ZCWPW2: variants seen among roughly 807,000 people sequenced by gnomAD.
ZCWPW2 encodes zinc finger CW-type PWWP domain protein 2.
A neutral mutation model predicts 46.6 loss-of-function variants in ZCWPW2; 45 were observed. The ratio of observed to expected loss-of-function variants is 0.96; its 90% CI spans 0.76 to 1.24. ZCWPW2 has a LOEUF of 1.24. Ranked by LOEUF, ZCWPW2 falls within the 50% of genes most tolerant of loss-of-function variation. ZCWPW2 has a pLI of 0.00. For missense variants in ZCWPW2, 429 were observed against 403.9 expected (o/e 1.06, Z -0.53); for synonymous variants, 152 against 137.1 (o/e 1.11, Z -0.76).
chr3:28,465,185 A>G (rs1291076693), intron 4 of ZCWPW2, among the ~76,000 whole-genome samples: 1 of 152,170 alleles, frequency 6.6e-6, no homozygotes, highest in Non-Finnish European at 1.5e-5. Flanking sequence ...CAAACCAAAT[A>G]TTTATCTCTT....
rs1332181539 is a variant in ZCWPW2, at chr3:28,441,256, G to A, written c.492+5987G>A. On this transcript the variant is annotated intron_variant, in intron 4 of 9. Transcript: ENST00000383768. ...TTCACCGTTTTTGACCACTCAGAGA[G>A]GTCCATCCACATACCTCTTCCCCAA... is the stretch of plus-strand genomic sequence containing the variant. 3.9e-5 allele frequency among the ~76,000 whole-genome samples: 6 copies of A among 152,176 alleles called. 1 individual carries two copies. Among genetic ancestry groups the A allele is most frequent in the Non-Finnish European group, 5.9e-5 (4 of 68,046 alleles).
chr3:28,516,154 CACTTG>C (rs1380507466), intron 8 of ZCWPW2, among the ~76,000 whole-genome samples: 2 of 151,724 alleles, frequency 1.3e-5, no homozygotes, highest in African/African-American at 2.4e-5. Context: ...GCAGGAGAAT[CACTTG>C]AGCCTGGGAG....
chr3:28,365,504 A>G (rs1370473902), intron 1 of ZCWPW2, among the ~76,000 whole-genome samples: 2 of 140,790 alleles, frequency 1.4e-5, no homozygotes, highest in East Asian at 2.0e-4. Flanking sequence ...CCGTTAGTCT[A>G]TATCTCCGTT....
At chr3:28,445,066 C>G (rs1222120466) in intron 4 of ZCWPW2, among the ~76,000 whole-genome samples, 1 of 151,696 alleles carries the variant, frequency 6.6e-6, no homozygotes, top group African/African-American at 2.4e-5. Flanking sequence ...AGAGCTCCAT[C>G]CTTAATATTC....
At chr3:28,470,311 G>A (rs983992283) in intron 4 of ZCWPW2, among the ~76,000 whole-genome samples, 5 of 151,992 alleles carry the variant, frequency 3.3e-5, no homozygotes, top group African/African-American at 1.2e-4. Context: ...TGGCCAACAT[G>A]GTAAATAAAA....
intron 5 of ZCWPW2, among the ~76,000 whole-genome samples, chr3:28,488,906 A>T (rs1699700872): frequency 6.6e-6 from 1 of 152,220 alleles, no homozygotes; most frequent in Admixed American, 6.6e-5. Context: ...AAAGTTGAAC[A>T]TAGACCTACT....
chr3:28,518,843 G>C (rs575080695), intron 8 of ZCWPW2, among the ~76,000 whole-genome samples: 2 of 152,126 alleles, frequency 1.3e-5, no homozygotes, highest in Non-Finnish European at 2.9e-5. Flanking sequence ...AGTGGAACTG[G>C]GGAATTGGTG....
intron 5 of ZCWPW2, among the ~76,000 whole-genome samples, chr3:28,490,741 A>G (rs967582340): frequency 5.3e-5 from 8 of 152,130 alleles, no homozygotes; most frequent in Admixed American, 5.2e-4. Context: ...GCAAACCTGT[A>G]CATGTACCCC....
At chr3:28,382,076 C>G (rs943514956) in intron 1 of ZCWPW2, among the ~76,000 whole-genome samples, 1 of 149,478 alleles carries the variant, frequency 6.7e-6, no homozygotes, top group African/African-American at 2.5e-5. Context: ...GCGGGAGAAT[C>G]GCTTGAACCT....
intron 3 of ZCWPW2, among the ~76,000 whole-genome samples, chr3:28,432,449 G>A (rs1021376661): frequency 2.0e-5 from 3 of 152,122 alleles, no homozygotes; most frequent in African/African-American, 7.2e-5. Context: ...TATTAGGTAT[G>A]CATATTTTAT....
At chr3:28,416,868 A>G (rs1456485114) in intron 3 of ZCWPW2, among the ~76,000 whole-genome samples, 1 of 130,264 alleles carries the variant, frequency 7.7e-6, no homozygotes, top group East Asian at 2.2e-4. Context: ...GATGAAGCCC[A>G]CTTGATCATG....
At chr3:28,470,529 A>G (rs1699001450) in intron 4 of ZCWPW2, among the ~76,000 whole-genome samples, 2 of 151,924 alleles carry the variant, frequency 1.3e-5, no homozygotes, top group African/African-American at 2.4e-5. Flanking sequence ...AAATTTAAAA[A>G]TTCATTGAAA....
intron 1 of ZCWPW2, among the ~76,000 whole-genome samples, chr3:28,368,798 A>G (rs1183990736): frequency 2.6e-5 from 4 of 152,214 alleles, no homozygotes; most frequent in African/African-American, 9.7e-5. Flanking sequence ...AGGTACACCA[A>G]TCAGATGTAG....
intron 1 of ZCWPW2, among the ~76,000 whole-genome samples, chr3:28,371,539 A>T (rs562667817): frequency 1.6e-4 from 24 of 152,256 alleles, no homozygotes; most frequent in Non-Finnish European, 7.4e-5. Context: ...CATGCCTGCA[A>T]TCCCAGCTAC....
At chr3:28,370,169 C>A (rs1705273657) in intron 1 of ZCWPW2, among the ~76,000 whole-genome samples, 1 of 152,182 alleles carries the variant, frequency 6.6e-6, no homozygotes, top group Admixed American at 6.5e-5. Flanking sequence ...CTGTCCTGCA[C>A]CCACTTTCTG....
rs763072642 is a variant in ZCWPW2, at chr3:28,413,139, T to G, written c.71T>G (p.Met24Arg). The G allele has an allele frequency of 6.2e-7, 1 of 1,613,080 alleles. No individual in the cohort carries two copies. The highest frequency in any genetic ancestry group is 1.3e-5 in the African/African-American group (1 of 74,884). The stretch of plus-strand genomic sequence containing the variant: ...GCAATGGATTCCTCAGTGGAAAACA[T>G]GTATGTAAACAAAGTGTGGGTTCAA... ...NYAMDSSVEN[M>R]YVNKVWVQCE... is the part of the protein sequence containing the mutation. The change falls in exon 3 of 10, where the codon ATG becomes AGG. Residue 24 changes from methionine to arginine, a missense_variant. Met to Arg is a moderately conservative substitution (Grantham distance 91, BLOSUM62 -1). Transcript: ENST00000383768.
At chr3:28,364,923 A>T (rs1342040392) in intron 1 of ZCWPW2, among the ~76,000 whole-genome samples, 1 of 152,100 alleles carries the variant, frequency 6.6e-6, no homozygotes, top group Admixed American at 6.6e-5. Context: ...GCCAGTGATG[A>T]TGAGCATTTT....
At chr3:28,477,857 T>C (rs1260479774) in intron 4 of ZCWPW2, among the ~76,000 whole-genome samples, 2 of 152,146 alleles carry the variant, frequency 1.3e-5, no homozygotes, top group African/African-American at 4.8e-5. Flanking sequence ...TTTATAAATA[T>C]AACATTTAAA....
intron 1 of ZCWPW2, among the ~76,000 whole-genome samples, chr3:28,352,375 G>A (rs1704586412): frequency 6.6e-6 from 1 of 152,178 alleles, no homozygotes; most frequent in Non-Finnish European, 1.5e-5. Flanking sequence ...CAACTTGCAT[G>A]TATTCATTCC....
Sources: allele counts gnomAD v4.1 joint callset (sites outside exome capture counted in the v4.1 genomes callset), GRCh38; gene constraint gnomAD v4.1.1; transcripts MANE v1.5; gene names NCBI Gene and HGNC (gene_info 2026-07-23, HGNC 2026-07-21).